The following DNAH6 variants were observed in gnomAD, a reference collection of about 807,000 sequenced individuals.
DNAH6 encodes the protein axonemal beta dynein heavy chain 6.
DNAH6 carries 340 observed loss-of-function variants against 491.4 expected under a neutral mutation model. The observed-to-expected ratio is 0.69, with a 90% CI of 0.63 to 0.76. The LOEUF is 0.76. DNAH6 is among the 30% of genes least tolerant of loss of function. DNAH6 has a pLI of 0.00. For synonymous variants in DNAH6, 1,603 were observed against 1,686.1 expected (o/e 0.95, Z 1.21); for missense variants, 4,443 against 4,972.2 (o/e 0.89, Z 3.20).
At chr2:84,605,746 C>T (rs753501823) in intron 20 of DNAH6, among the ~76,000 whole-genome samples, 154 bp downstream of exon 20, 4 of 152,112 alleles carry the variant, frequency 2.6e-5, no homozygotes, top group South Asian at 2.1e-4. Context: ...AAATAATTGA[C>T]GTGAATGCTT....
chr2:84,707,528 A>G lies in DNAH6; in HGVS notation c.8860A>G (p.Met2954Val), dbSNP rs1270821925. ...TCTTAAAATTTTTCTAGCAAAGACC[A>G]TGGCCCTGACAAAAGCACGTCTAGT... ...VNEKESLAKT[M>V]ALTKARLVRA... is the part of the protein sequence containing the mutation. Residue 2954 changes from methionine to valine, a missense_variant, in exon 54 of 77, where the codon ATG becomes GTG. By Grantham distance (21) the Met-to-Val change is conservative. Coordinates refer to ENST00000389394, the MANE Select transcript of DNAH6 (RefSeq NM_001370.2). 5 of 1,550,756 alleles carry G rather than the reference A, an allele frequency of 3.2e-6. No homozygotes were observed. The highest frequency in any genetic ancestry group is 2.4e-5 in the East Asian group (1 of 40,932).
At chr2:84,784,611 A>G (rs1220764615) in intron 65 of DNAH6, 111 bp from the exon 66 acceptor site, 3 of 684,228 alleles carry the variant, frequency 4.4e-6, no homozygotes, top group African/African-American at 3.6e-5. Context: ...AGATCTTTAA[A>G]CAAAGCTTAT....
rs1678480154 is a variant in DNAH6 at position 84,797,607 on chromosome 2, CG to C, written c.11431del (p.Asp3811MetfsTer14). 3.9e-6 allele frequency: 6 copies of C among 1,551,232 alleles called. No homozygotes were observed. The highest frequency in any genetic ancestry group is 5.2e-6 in the Non-Finnish European group (6 of 1,146,676). On this transcript the variant is annotated frameshift_variant, in exon 70 of 77. Coordinates refer to ENST00000389394, the MANE Select transcript of DNAH6 (RefSeq NM_001370.2). LOFTEE classifies it high-confidence loss of function. ...ACTACATTGAAAATCTGCCTTTGAT[CG>C]ATGACCCAGAAATTTTTGGAATGCA... Reference protein sequence around the residue: ...KDYIENLPLIDDPEIFGMHEN... With the variant: ...KDYIENLPLIXDPEIFGMHEN...
chr2:84,652,175 G>A (rs1044540597), intron 33 of DNAH6, among the ~76,000 whole-genome samples: 18 of 152,092 alleles, frequency 1.2e-4, no homozygotes, highest in South Asian at 2.1e-4. Context: ...CTAGGTCATA[G>A]GGTTTGCACA....
chr2:84,769,107 A>G (rs1675367544), intron 64 of DNAH6, among the ~76,000 whole-genome samples: 1 of 152,232 alleles, frequency 6.6e-6, no homozygotes, highest in Non-Finnish European at 1.5e-5. Flanking sequence ...CTGATGCTGT[A>G]CATATGGTTC....
intron 39 of DNAH6, 35 bp from the exon 40 acceptor site, chr2:84,672,291 CA>C: frequency 1.3e-6 from 2 of 1,535,794 alleles, no homozygotes; most frequent in Non-Finnish European, 1.8e-6. Flanking sequence ...AAGGGAAAAT[CA>C]TAATTCTTAA....
chr2:84,593,393 C>CAGCGTTGA (rs1334700417), intron 16 of DNAH6, among the ~76,000 whole-genome samples: 2 of 152,204 alleles, frequency 1.3e-5, no homozygotes, highest in Non-Finnish European at 2.9e-5. Flanking sequence ...AAGGTTTCCC[C>CAGCGTTGA]AGCGTTGAAC....
At chr2:84,708,578 AGGAG>A (rs1212738211) in intron 54 of DNAH6, among the ~76,000 whole-genome samples, 2 of 149,348 alleles carry the variant, frequency 1.3e-5, no homozygotes, top group Non-Finnish European at 3.0e-5. Context: ...GAGGGAAGGA[AGGAG>A]GAAGGAAGGA....
At position 84,584,438 on chromosome 2, in the gene DNAH6, A is replaced by AT. The variant is rs61527592; in HGVS notation, c.2481+194dup. 8.2e-3 allele frequency: 4,957 copies of AT among 602,130 alleles called. 175 individuals are homozygous for AT. The highest frequency in any genetic ancestry group is 0.08 in the African/African-American group (4,287 of 53,820). 37.3% of individuals were successfully genotyped at this position (602,130 alleles called of 1,614,324 possible). On this transcript the variant is annotated intron_variant, in intron 15 of 76. Coordinates refer to ENST00000389394, the MANE Select transcript of DNAH6 (RefSeq NM_001370.2). ...ATGTGTCCATCACGTCACATACATC[A>AT]TTTTTTGTGGTGAGAATAATTAAGA...
At chr2:84,722,854 C>T in intron 60 of DNAH6, 50 bp downstream of exon 60, 1 of 1,120,114 alleles carries the variant, frequency 8.9e-7, no homozygotes, top group Non-Finnish European at 1.2e-6. Flanking sequence ...GCCTCCATTA[C>T]ACCTGTTGAA....
chr2:84,709,452 C>G lies in DNAH6; in HGVS notation c.9158C>G (p.Thr3053Ser). The change falls in exon 55 of 77, where the codon ACT becomes AGT. Residue 3053 changes from threonine to serine, a missense_variant. Thr to Ser is a moderately conservative substitution (Grantham distance 58). Coordinates refer to ENST00000389394, the MANE Select transcript of DNAH6 (RefSeq NM_001370.2). ...CCCTACGAGATACGGCAGTGGAACACTGATGGGCTGCCCCGTGACTTGATA... is the reference window on the plus strand; with the variant it reads ...CCCTACGAGATACGGCAGTGGAACAGTGATGGGCTGCCCCGTGACTTGATA... ...GDPYEIRQWN[T>S]DGLPRDLIST... is the part of the protein sequence containing the mutation. 1 of 1,551,710 alleles carries G rather than the reference C, an allele frequency of 6.4e-7. No individual in the cohort carries two copies. Among genetic ancestry groups the G allele is most frequent in the Non-Finnish European group, 8.7e-7 (1 of 1,147,016 alleles).
intron 39 of DNAH6, 101 bp from the exon 40 acceptor site, chr2:84,672,226 C>A: frequency 8.3e-7 from 1 of 1,210,138 alleles, no homozygotes; most frequent in South Asian, 1.6e-5. Context: ...CTCTTTATGA[C>A]CTGTAGGATG....
At chr2:84,498,424 G>A in the DNAH6 span, among the ~76,000 whole-genome samples, 1 of 151,876 alleles carries the variant, frequency 6.6e-6, no homozygotes, top group Non-Finnish European at 1.5e-5. Flanking sequence ...GTATTTGTTT[G>A]AATCATTTTA....
At chr2:84,679,997 A>G (rs369813452) in intron 41 of DNAH6, among the ~76,000 whole-genome samples, 4 of 152,250 alleles carry the variant, frequency 2.6e-5, no homozygotes, top group East Asian at 1.9e-4. Flanking sequence ...TCTATTCTCC[A>G]TCATACACAT....
chr2:84,756,036 C>T (rs1673976748), intron 63 of DNAH6, among the ~76,000 whole-genome samples: 1 of 152,208 alleles, frequency 6.6e-6, no homozygotes, highest in Non-Finnish European at 1.5e-5. Context: ...TGTGAGGCTT[C>T]CCCAGCCACG....
At chr2:84,751,823 G>A (rs1366241627) in intron 63 of DNAH6, among the ~76,000 whole-genome samples, 1 of 152,196 alleles carries the variant, frequency 6.6e-6, no homozygotes, top group Non-Finnish European at 1.5e-5. Context: ...CCCAGTTTCT[G>A]ATTCAGTAGG....
chr2:84,667,433 G>A (rs1197341340), intron 37 of DNAH6, among the ~76,000 whole-genome samples: 1 of 152,164 alleles, frequency 6.6e-6, no homozygotes, highest in Non-Finnish European at 1.5e-5. Context: ...ATCAAAAAGT[G>A]GGCGAAGGAT....
rs771933195 is a variant in DNAH6, at chr2:84,812,331, G to A, written c.11740-10G>A. 1.6e-5 allele frequency: 24 copies of A among 1,545,520 alleles called. No homozygotes were observed. Among genetic ancestry groups the A allele is most frequent in the Middle Eastern group, 3.4e-4 (2 of 5,962 alleles). ...TGCAAAGGCCACCAACCCCTTTTTT[G>A]TTCTTTCAGACTTCTCTGGAAACAC... On this transcript the variant is annotated splice_polypyrimidine_tract_variant and intron_variant, in intron 72 of 76. Coordinates refer to ENST00000389394, the MANE Select transcript of DNAH6 (RefSeq NM_001370.2).
intron 29 of DNAH6, among the ~76,000 whole-genome samples, chr2:84,626,296 T>C (rs1687851924): frequency 6.6e-6 from 1 of 152,176 alleles, no homozygotes; most frequent in Non-Finnish European, 1.5e-5. Context: ...TCTAATGAAG[T>C]TGGACTTTCT....
Sources: allele counts gnomAD v4.1 joint callset (sites outside exome capture counted in the v4.1 genomes callset), GRCh38; gene constraint gnomAD v4.1.1; transcripts MANE v1.5; gene names NCBI Gene and HGNC (gene_info 2026-07-23, HGNC 2026-07-21).